Variants in NR2E1 observed in about 807,000 individuals in gnomAD.
NR2E1 encodes nuclear receptor subfamily 2 group E member 1.
NR2E1 carries 5 observed loss-of-function variants against 43.6 expected under a neutral mutation model. The observed-to-expected ratio is 0.11, with a 90% CI of 0.06 to 0.24. The LOEUF is 0.24. Ranked by LOEUF, NR2E1 falls within the 10% of genes least tolerant of loss-of-function variation. NR2E1 has a pLI of 1.00. For missense variants in NR2E1, 287 were observed against 496.7 expected (o/e 0.58, Z 4.01); for synonymous variants, 191 against 195.5 (o/e 0.98, Z 0.19).
Position 108,168,512 on chromosome 6 carries a change from C to T in NR2E1, c.25+1722C>T, listed in dbSNP as rs573844604. 9.2e-5 allele frequency among the ~76,000 whole-genome samples: 14 copies of T among 152,378 alleles called. No individual in the cohort carries two copies. The South Asian group carries it at 2.9e-3, about 32-fold the overall frequency. Reference sequence around the variant, plus strand: ...AACCCTCCGGACTTTGGGGGAAAAACCACAGCGGGCTCCTTGCGGAAACTT... The same window carrying T: ...AACCCTCCGGACTTTGGGGGAAAAATCACAGCGGGCTCCTTGCGGAAACTT... On this transcript the variant is annotated intron_variant, in intron 1 of 8. Transcript: ENST00000368986.
rs1326185170 is a variant in NR2E1, at chr6:108,171,581, A to G, written c.149A>G (p.Tyr50Cys). 6.2e-7 allele frequency: 1 copy of G among 1,614,076 alleles called. No individual in the cohort carries two copies. The highest frequency in any genetic ancestry group is 8.5e-7 in the Non-Finnish European group (1 of 1,180,046). ...CGGAGCATCCGAAGGAATAGGACCT[A>G]TGTCTGCAAATCTGGAAACCAGGTA... is the stretch of plus-strand genomic sequence containing the variant. ...FKRSIRRNRT[Y>C]VCKSGNQGGC... Residue 50 changes from tyrosine to cysteine, a missense_variant, in exon 2 of 9, where the codon TAT becomes TGT. Coordinates refer to ENST00000368986, the MANE Select transcript of NR2E1 (RefSeq NM_003269.5).
chr6:108,183,689 TC>T (rs1774030198), intron 8 of NR2E1, among the ~76,000 whole-genome samples: 1 of 152,230 alleles, frequency 6.6e-6, no homozygotes, highest in South Asian at 2.1e-4. Flanking sequence ...ATCGTAAACC[TC>T]TTTTGAATAC....
chr6:108,168,423 A>G (rs917460401), intron 1 of NR2E1, among the ~76,000 whole-genome samples: 1 of 152,040 alleles, frequency 6.6e-6, no homozygotes, highest in Non-Finnish European at 1.5e-5. Context: ...GAGGCGAGGG[A>G]GGGGTGAGCG....
At chr6:108,181,675 T>A (rs143662141) in intron 8 of NR2E1, 24 bp downstream of exon 8, 1 of 1,586,992 alleles carries the variant, frequency 6.3e-7, no homozygotes, top group East Asian at 2.2e-5. Context: ...GCCTTGAACA[T>A]GTACTTAAGA....
intron 8 of NR2E1, 140 bp from the exon 9 acceptor site, chr6:108,187,161 C>A: frequency 9.8e-7 from 1 of 1,025,434 alleles, no homozygotes; most frequent in Non-Finnish European, 1.5e-6. Context: ...AGTGCCTGTC[C>A]AGAACTTTGC....
In NR2E1 at chr6:108,187,556, C is replaced by T. The variant is rs2233496; in HGVS notation, c.*93C>T. The T allele has an allele frequency of 4.4e-4, 615 of 1,383,862 alleles. No individual in the cohort carries two copies. The African/African-American group carries it at 7.2e-3, about 16-fold the overall frequency. The allele number at this position is 1,383,862 out of a possible 1,614,324, so 85.7% of individuals were successfully genotyped here. A position where few individuals can be genotyped will look rare whatever the true frequency, so the allele number is the denominator to read the frequency against. On this transcript the variant is annotated 3_prime_UTR_variant, in exon 9 of 9. Coordinates refer to ENST00000368986, the MANE Select transcript of NR2E1 (RefSeq NM_003269.5). ...CTCAACTAACAAACCCTTCAGGAAGCATATACCGGGGAATGTGTAGCCTTC... is the reference window on the plus strand; with the variant it reads ...CTCAACTAACAAACCCTTCAGGAAGTATATACCGGGGAATGTGTAGCCTTC...
Position 108,171,519 on chromosome 6 carries a change from G to T in NR2E1, c.87G>T (p.Gly29=), listed in dbSNP as rs755411423. 1 of 1,614,012 alleles carries T rather than the reference G, an allele frequency of 6.2e-7. No homozygotes were observed. Among genetic ancestry groups the T allele is most frequent in the South Asian group, 1.1e-5 (1 of 91,080 alleles). The change falls in exon 2 of 9, where the codon GGG becomes GGT. Residue 29 remains glycine (G), a synonymous_variant. Transcript: ENST00000368986. ...ACCGCAGCTCGGGGAAGCACTACGGGGTCTACGCCTGCGACGGCTGCTCAG... is the reference window on the plus strand; with the variant it reads ...ACCGCAGCTCGGGGAAGCACTACGGTGTCTACGCCTGCGACGGCTGCTCAG... ...CGDRSSGKHY[G]VYACDGCSGF...
rs1774100956 is a variant in NR2E1, at chr6:108,187,904, G to A, written c.*441G>A. 5.4e-6 allele frequency: 1 copy of A among 186,684 alleles called. No homozygotes were observed. The highest frequency in any genetic ancestry group is 1.1e-4 in the South Asian group (1 of 8,742). 11.6% of individuals were successfully genotyped at this position (186,684 alleles called of 1,614,324 possible). A position where few individuals can be genotyped will look rare whatever the true frequency, so the allele number is the denominator to read the frequency against. On this transcript the variant is annotated 3_prime_UTR_variant, in exon 9 of 9. Coordinates refer to ENST00000368986, the MANE Select transcript of NR2E1 (RefSeq NM_003269.5). ...GCCTTCAAAACTACGTTATGTTGGA[G>A]CATTTATTTTAAAAATAATGGTAGG... is the stretch of plus-strand genomic sequence containing the variant.
In NR2E1 at chr6:108,170,720, C is replaced by T. The variant is rs370353381; in HGVS notation, c.26-738C>T. Among the ~76,000 whole-genome samples the T allele has an allele frequency of 3.3e-5, 5 of 152,112 alleles. No homozygotes were observed. The East Asian group carries it at 9.6e-4, about 29-fold the overall frequency. ...GAAAGGGCTTAGGAAATGGAGGGAG[C>T]CTGTCCCAAGCTAACCCGACAGGGA... On this transcript the variant is annotated intron_variant, in intron 1 of 8. Coordinates refer to ENST00000368986, the MANE Select transcript of NR2E1 (RefSeq NM_003269.5).
At chr6:108,178,441 G>A (rs995968206) in intron 5 of NR2E1, among the ~76,000 whole-genome samples, 200 bp downstream of exon 5, 2 of 152,176 alleles carry the variant, frequency 1.3e-5, no homozygotes, top group Non-Finnish European at 2.9e-5. Context: ...AGTAAGAAAC[G>A]TAATTACATT....
chr6:108,179,354 C>T (rs1773948686), intron 5 of NR2E1: 1 of 152,160 alleles, frequency 6.6e-6, no homozygotes, highest in Non-Finnish European at 1.5e-5. Context: ...TACAAGCCTT[C>T]ATGATTCAGC....
chr6:108,185,270 C>T (rs753323570), intron 8 of NR2E1, among the ~76,000 whole-genome samples: 1 of 152,034 alleles, frequency 6.6e-6, no homozygotes, highest in African/African-American at 2.4e-5. Context: ...CTGTAATAGA[C>T]CTAAAACACT....
Position 108,181,648 on chromosome 6 carries a change from C to A in NR2E1, c.992C>A (p.Thr331Asn). Residue 331 changes from threonine to asparagine, a missense_variant, in exon 8 of 9, where the codon ACC becomes AAC. Coordinates refer to ENST00000368986, the MANE Select transcript of NR2E1 (RefSeq NM_003269.5). ...CTAACGCTCAACAGCTACATCCATA[C>A]CAGGTGACCCTTGTTTGCCTTGAAC... The part of the protein sequence containing the change: ...AQLTLNSYIH[T>N]RYPTQPCRFG... 1 of 1,613,132 alleles carries A rather than the reference C, an allele frequency of 6.2e-7. No homozygotes were observed. The highest frequency in any genetic ancestry group is 8.5e-7 in the Non-Finnish European group (1 of 1,179,030).
intron 3 of NR2E1, among the ~76,000 whole-genome samples, chr6:108,175,350 T>C (rs1773878884): frequency 6.6e-6 from 1 of 152,074 alleles, no homozygotes; most frequent in African/African-American, 2.4e-5. Flanking sequence ...GTTCGCGGTG[T>C]GTTGAAAAAG....
At chr6:108,177,962 CT>C in intron 4 of NR2E1, 132 bp from the exon 5 acceptor site, 1 of 932,820 alleles carries the variant, frequency 1.1e-6, no homozygotes, top group Admixed American at 1.9e-5. Context: ...CCAATGTCAA[CT>C]GCATGTTTAA....
chr6:108,181,073 C>T, intron 7 of NR2E1, 117 bp downstream of exon 7: 1 of 1,096,922 alleles, frequency 9.1e-7, no homozygotes, highest in African/African-American at 1.5e-5. Context: ...TTCAAGGGAG[C>T]TGATACTCTT....
chr6:108,174,825 C>G lies in NR2E1; in HGVS notation c.172-11C>G. ...CCCTGGGGACCGCTGACCTCCTGCT[C>G]TCTGTTCCAGGGAGGCTGTCCGGTG... is the stretch of plus-strand genomic sequence containing the variant. On this transcript the variant is annotated splice_polypyrimidine_tract_variant and intron_variant, in intron 2 of 8. Coordinates refer to ENST00000368986, the MANE Select transcript of NR2E1 (RefSeq NM_003269.5). 1.9e-6 allele frequency: 3 copies of G among 1,613,392 alleles called. No homozygotes were observed. Among genetic ancestry groups the G allele is most frequent in the Non-Finnish European group, 2.5e-6 (3 of 1,179,464 alleles).
At chr6:108,182,704 G>A (rs1311582957) in intron 8 of NR2E1, among the ~76,000 whole-genome samples, 1 of 151,912 alleles carries the variant, frequency 6.6e-6, no homozygotes, top group African/African-American at 2.4e-5. Context: ...GATTACAGGT[G>A]CCTGCCACCA....
At position 108,176,619 on chromosome 6, in the gene NR2E1, C is replaced by G; in HGVS notation, c.376C>G (p.Pro126Ala). The change falls in exon 4 of 9, where the codon CCT becomes GCT. Residue 126 changes from proline (P) to alanine (A), a missense_variant. Pro to Ala is a conservative substitution (Grantham distance 27). Around this residue, in one of 4 missense-constraint regions of NR2E1, gnomAD observed 119 missense variants for 155.7 expected, o/e 0.76. Transcript: ENST00000368986. ...CGCGCACTTTCCCTCGGCGGCGCTC[C>G]CTGCGCCGGCCTTCTTCACCGCGGT... ...AAAHFPSAAL[P>A]APAFFTAVTQ... is the part of the protein sequence containing the mutation. 6.2e-7 allele frequency: 1 copy of G among 1,611,538 alleles called. No homozygotes were observed. Among genetic ancestry groups the G allele is most frequent in the Non-Finnish European group, 8.5e-7 (1 of 1,179,646 alleles).
Sources: gnomAD v4.1 joint callset for allele counts (sites outside exome capture counted in the v4.1 genomes callset) on GRCh38, gnomAD v4.1.1 for gene constraint, gnomAD v4.1.1 regional missense constraint, MANE v1.5 for transcripts, NCBI Gene and HGNC (gene_info 2026-07-23, HGNC 2026-07-21) for gene names.